TMEM132D: variants seen among roughly 807,000 people sequenced by gnomAD.
TMEM132D encodes the protein mature OL transmembrane protein.
In TMEM132D, 21 loss-of-function variants were observed where a neutral mutation model predicts 62.3. The observed-to-expected ratio is 0.34, with a 90% CI of 0.24 to 0.49. The LOEUF is 0.49. Among genes scored for constraint, TMEM132D ranks in the 20% least tolerant of loss-of-function variants. The pLI is 0.99. For missense variants in TMEM132D, 1,346 were observed against 1,402.8 expected (o/e 0.96, Z 0.65); for synonymous variants, 621 against 575.6 (o/e 1.08, Z -1.13).
chr12:129,679,514 T>C (rs1880728136), intron 2 of TMEM132D, among the ~76,000 whole-genome samples: 3 of 152,244 alleles, frequency 2.0e-5, no homozygotes, highest in East Asian at 1.9e-4. Context: ...TGTATTCCTA[T>C]ATTGGATCAT....
intron 2 of TMEM132D, among the ~76,000 whole-genome samples, chr12:129,694,189 A>G (rs1881138490): frequency 6.6e-6 from 1 of 152,238 alleles, no homozygotes; most frequent in African/African-American, 2.4e-5. Flanking sequence ...CTGGAAGTGA[A>G]CATCAACAGT....
Position 129,477,038 on chromosome 12 carries a change from G to A in TMEM132D, c.1115+54021C>T, listed in dbSNP as rs182687482. The stretch of plus-strand genomic sequence containing the variant: ...TGCCTCTTAATCATTTTTGGTTTAC[G>A]ATCTCCTGGTTTCAGGACGGTGCTT... On this transcript the variant is annotated intron_variant, in intron 3 of 8. Coordinates refer to ENST00000422113, the MANE Select transcript of TMEM132D (RefSeq NM_133448.3). Among the ~76,000 whole-genome samples the A allele has an allele frequency of 3.9e-5, 6 of 152,196 alleles. No homozygotes were observed. The East Asian group carries it at 7.7e-4, about 20-fold the overall frequency.
Position 129,084,588 on chromosome 12 carries a change from A to G in TMEM132D, c.1558T>C (p.Trp520Arg), listed in dbSNP as rs746779283. 4.3e-6 allele frequency: 7 copies of G among 1,614,022 alleles called. No individual in the cohort carries two copies. In the Admixed American group the frequency reaches 6.7e-5, roughly 15 times the overall value. The change falls in exon 6 of 9, where the codon TGG (tryptophan) becomes CGG (arginine). Residue 520 changes from tryptophan (W) to arginine (R), a missense_variant. Trp to Arg is a moderately radical substitution (Grantham distance 101). Coordinates refer to ENST00000422113, the MANE Select transcript of TMEM132D (RefSeq NM_133448.3). ...ATCTGCAGCGGAAGCCGGGGCACCC[A>G]CACCGTCATCTCCAGGGGGCTGCTC... ...HLSSPLEMTV[W>R]VPRLPLQIEV...
chr12:129,550,385 C>T (rs537071325), intron 2 of TMEM132D, among the ~76,000 whole-genome samples: 4 of 152,316 alleles, frequency 2.6e-5, no homozygotes, highest in African/African-American at 7.2e-5. Context: ...TATGTTCCCC[C>T]TCTCTGATTG....
chr12:129,289,566 A>AAAAAAAAAG (rs1566023043), intron 4 of TMEM132D, among the ~76,000 whole-genome samples: 52 of 144,676 alleles, frequency 3.6e-4, no homozygotes, highest in East Asian at 8.6e-4. Context: ...AAAAAAAAAG[A>AAAAAAAAAG]AAAAAAAGAA....
At chr12:129,301,405 C>T (rs559828402) in intron 4 of TMEM132D, among the ~76,000 whole-genome samples, 7 of 152,078 alleles carry the variant, frequency 4.6e-5, no homozygotes, top group African/African-American at 1.7e-4. Flanking sequence ...CTAACATTTG[C>T]TCAGTAAATG....
chr12:129,722,480 T>A (rs2137245300), intron 1 of TMEM132D, among the ~76,000 whole-genome samples: 1 of 152,286 alleles, frequency 6.6e-6, no homozygotes, highest in Admixed American at 6.5e-5. Context: ...ACTGAACATC[T>A]TCTTGGAGAT....
At chr12:129,591,503 T>C (rs1234426085) in intron 2 of TMEM132D, among the ~76,000 whole-genome samples, 1 of 151,326 alleles carries the variant, frequency 6.6e-6, no homozygotes, top group Non-Finnish European at 1.5e-5. Flanking sequence ...ATGGATTCTG[T>C]CATTCAATCA....
chr12:129,792,650 G>A (rs2398485), intron 1 of TMEM132D, among the ~76,000 whole-genome samples: 86,625 of 152,032 alleles, frequency 0.57, 26,806 homozygotes, highest in Non-Finnish European at 0.71. Flanking sequence ...TAATATCTCC[G>A]ATACATGCTG....
At chr12:129,108,549 C>A (rs1272187270) in intron 5 of TMEM132D, among the ~76,000 whole-genome samples, 1 of 152,116 alleles carries the variant, frequency 6.6e-6, no homozygotes, top group Admixed American at 6.6e-5. Context: ...GGTGAATCCT[C>A]CCCAAAGGCT....
chr12:129,747,633 C>G (rs1341865695), intron 1 of TMEM132D, among the ~76,000 whole-genome samples: 1 of 150,664 alleles, frequency 6.6e-6, no homozygotes. Flanking sequence ...CAGACACACA[C>G]AGTCAGATAC....
intron 3 of TMEM132D, among the ~76,000 whole-genome samples, chr12:129,378,695 G>A (rs1374138828): frequency 2.6e-5 from 4 of 152,168 alleles, no homozygotes; most frequent in Non-Finnish European, 5.9e-5. Flanking sequence ...CCACCTGCAG[G>A]AATCCATTTA....
At chr12:129,139,468 T>G (rs1876675771) in intron 5 of TMEM132D, among the ~76,000 whole-genome samples, 1 of 152,096 alleles carries the variant, frequency 6.6e-6, no homozygotes, top group Non-Finnish European at 1.5e-5. Flanking sequence ...GCTCATAGGG[T>G]CACAGGGACT....
chr12:129,838,902 C>T (rs1470841582), intron 1 of TMEM132D, among the ~76,000 whole-genome samples: 1 of 151,526 alleles, frequency 6.6e-6, no homozygotes, highest in Non-Finnish European at 1.5e-5. Flanking sequence ...GTATAAACTG[C>T]TGTCATTTTT....
At chr12:129,528,062 A>G (rs1407895075) in intron 3 of TMEM132D, among the ~76,000 whole-genome samples, 1 of 152,348 alleles carries the variant, frequency 6.6e-6, no homozygotes, top group African/African-American at 2.4e-5. Flanking sequence ...CAAGCTAATT[A>G]ACACTGCTTC....
chr12:129,454,881 T>C (rs543604706), intron 3 of TMEM132D, among the ~76,000 whole-genome samples: 1 of 152,326 alleles, frequency 6.6e-6, no homozygotes, highest in East Asian at 1.9e-4. Flanking sequence ...CATGGCTGTA[T>C]ATCCTGGTAG....
chr12:129,662,830 A>C (rs1394928221), intron 2 of TMEM132D, among the ~76,000 whole-genome samples: 3 of 145,834 alleles, frequency 2.1e-5, no homozygotes, highest in Non-Finnish European at 4.5e-5. Flanking sequence ...GAGAGAAAGA[A>C]ATATGAGGTA....
chr12:129,587,181 C>T (rs552042137), intron 2 of TMEM132D, among the ~76,000 whole-genome samples: 110 of 152,194 alleles, frequency 7.2e-4, no homozygotes, highest in African/African-American at 2.5e-3. Context: ...AAATGTGGTA[C>T]ATATACACCA....
intron 1 of TMEM132D, among the ~76,000 whole-genome samples, chr12:129,804,547 A>C (rs1236326748): frequency 6.6e-6 from 1 of 150,974 alleles, no homozygotes; most frequent in Non-Finnish European, 1.5e-5. Context: ...ATTTCAACAT[A>C]ATAAGAGCTA....
Sources: allele counts gnomAD v4.1 joint callset (sites outside exome capture counted in the v4.1 genomes callset), GRCh38; gene constraint gnomAD v4.1.1; transcripts MANE v1.5; gene names NCBI Gene and HGNC (gene_info 2026-07-23, HGNC 2026-07-21).